The following TEX15 variants were observed in gnomAD, a reference collection of about 807,000 sequenced individuals.
The protein encoded by TEX15 is testis expressed 15, meiosis and synapsis associated, also known as testis-expressed protein 15.
TEX15 carries 171 observed loss-of-function variants against 237.3 expected under a neutral mutation model. The observed-to-expected ratio is 0.72, with a 90% confidence interval of 0.64 to 0.82. TEX15 has a LOEUF of 0.82. TEX15 is among the 40% of genes least tolerant of loss of function. The probability of loss-of-function intolerance (pLI) is 0.00; values close to 1 mark genes in which losing one functional copy is unlikely to be tolerated. For synonymous variants in TEX15, 1,338 were observed against 1,269.8 expected (o/e 1.05, Z -1.14); for missense variants, 3,750 against 3,646.5 (o/e 1.03, Z -0.73).
At chr8:30,912,428 G>T (rs1032631389) in intron 1 of TEX15, among the ~76,000 whole-genome samples, 1 of 151,960 alleles carries the variant, frequency 6.6e-6, no homozygotes, top group African/African-American at 2.4e-5. Flanking sequence ...GCCTTCTGCT[G>T]ACTACAAACT....
At chr8:30,836,205 G>GTTTTTTTTTTTTT (rs33984716) in intron 10 of TEX15, among the ~76,000 whole-genome samples, 3 of 43,264 alleles carry the variant, frequency 6.9e-5, no homozygotes, top group African/African-American at 1.9e-4. Flanking sequence ...TCACTGTATC[G>GTTTTTTTTTTTTT]TTTTTTTTTT....
chr8:30,849,452 C>A, intron 7 of TEX15, 136 bp from the exon 8 acceptor site: 1 of 499,720 alleles, frequency 2.0e-6, no homozygotes, highest in Non-Finnish European at 3.4e-6. Context: ...GTGTTTTCAA[C>A]GGAAAAAGCA....
Position 30,842,654 on chromosome 8 carries a change from C to T in TEX15, c.7513G>A (p.Val2505Ile), listed in dbSNP as rs114395171. The part of the protein sequence containing the change: ...FSFLKDNSTD[V>I]CLWKVIETAV... ...GTCTCTATCACTTTCCAAAGGCAAA[C>T]ATCTGTTGAGTTATCTTTAAGAAAT... Residue 2505 changes from valine (V) to isoleucine (I), a missense_variant, in exon 8 of 11, where the codon GTT (valine) becomes ATT (isoleucine). Physicochemically the swap from Val to Ile is conservative, Grantham distance 29 (BLOSUM62 3). Transcript: ENST00000643185. 371 of 1,612,350 alleles carry T rather than the reference C, an allele frequency of 2.3e-4. No homozygotes were observed. The African/African-American group carries it at 4.6e-3, about 20-fold the overall frequency.
chr8:30,874,886 T>C lies in TEX15; in HGVS notation c.302+51A>G, dbSNP rs1037022562. 20 of 1,113,604 alleles carry C rather than the reference T, an allele frequency of 1.8e-5. No homozygotes were observed. The East Asian group carries it at 1.9e-4, about 11-fold the overall frequency. The allele number at this position is 1,113,604 out of a possible 1,614,324, so 69.0% of individuals were successfully genotyped here. A position where few individuals can be genotyped will look rare whatever the true frequency, so the allele number is the denominator to read the frequency against. On this transcript the variant is annotated intron_variant, in intron 4 of 10. Transcript: ENST00000643185. The stretch of plus-strand genomic sequence containing the variant: ...AGAAATGAATTAGCATAAAACTCCA[T>C]AGTAACAAACACAACAAAATCTCAA...
intron 10 of TEX15, among the ~76,000 whole-genome samples, chr8:30,835,658 G>A (rs2128765809): frequency 6.6e-6 from 1 of 152,254 alleles, no homozygotes; most frequent in Non-Finnish European, 1.5e-5. Context: ...TCCAATGGTA[G>A]AATATTTGGT....
At chr8:30,886,185 C>G (rs559333098) in intron 3 of TEX15, among the ~76,000 whole-genome samples, 2 of 152,280 alleles carry the variant, frequency 1.3e-5, no homozygotes, top group East Asian at 3.9e-4. Context: ...TATATTTAAT[C>G]TTTCACTTCA....
At chr8:30,838,773 C>CATATATATAT (rs34610592) in intron 9 of TEX15, among the ~76,000 whole-genome samples, 2 of 65,460 alleles carry the variant, frequency 3.1e-5, no homozygotes, top group Non-Finnish European at 6.4e-5. Flanking sequence ...TATATAAAAA[C>CATATATATAT]ATATATATAT....
At chr8:30,851,617 GC>G (rs1807786037) in intron 7 of TEX15, among the ~76,000 whole-genome samples, 1 of 151,860 alleles carries the variant, frequency 6.6e-6, no homozygotes, top group African/African-American at 2.4e-5. Context: ...GGGCAACAGA[GC>G]AAGACTCTGT....
At chr8:30,875,974 AG>A (rs1192035931) in intron 3 of TEX15, among the ~76,000 whole-genome samples, 1 of 151,718 alleles carries the variant, frequency 6.6e-6, no homozygotes, top group African/African-American at 2.4e-5. Flanking sequence ...CAACATGCCC[AG>A]CTAGCTTTTC....
intron 5 of TEX15, among the ~76,000 whole-genome samples, chr8:30,864,003 GAT>G (rs1808105159): frequency 6.6e-6 from 1 of 151,924 alleles, no homozygotes; most frequent in Non-Finnish European, 1.5e-5. Flanking sequence ...CCTGATGGCT[GAT>G]CTACTAGACA....
At chr8:30,905,659 C>A (rs571256592) in intron 1 of TEX15, among the ~76,000 whole-genome samples, 4 of 148,138 alleles carry the variant, frequency 2.7e-5, no homozygotes, top group Admixed American at 1.4e-4. Flanking sequence ...GAGGCTGAGG[C>A]CGGTGGATCA....
chr8:30,851,085 T>G (rs1317946946), intron 7 of TEX15, among the ~76,000 whole-genome samples: 1 of 152,168 alleles, frequency 6.6e-6, no homozygotes, highest in African/African-American at 2.4e-5. Flanking sequence ...ATATGTTATA[T>G]GTAATCATTC....
chr8:30,912,252 C>T (rs1809237206), intron 1 of TEX15, among the ~76,000 whole-genome samples: 1 of 152,046 alleles, frequency 6.6e-6, no homozygotes, highest in East Asian at 2.0e-4. Flanking sequence ...CTGCCAGTCA[C>T]CCGGGCGGCG....
intron 3 of TEX15, among the ~76,000 whole-genome samples, chr8:30,882,418 C>A (rs1299289256): frequency 1.3e-5 from 2 of 152,222 alleles, no homozygotes; most frequent in Admixed American, 1.3e-4. Context: ...TCCCAAGTAG[C>A]TGGGACTACA....
At chr8:30,861,417 T>G (rs1808048830) in intron 5 of TEX15, among the ~76,000 whole-genome samples, 1 of 152,144 alleles carries the variant, frequency 6.6e-6, no homozygotes, top group African/African-American at 2.4e-5. Context: ...TGAACATAAA[T>G]GACGGTATTT....
At chr8:30,853,251 A>G (rs1179792487) in intron 7 of TEX15, among the ~76,000 whole-genome samples, 3 of 152,170 alleles carry the variant, frequency 2.0e-5, no homozygotes, top group Admixed American at 6.5e-5. Flanking sequence ...ATCGTCAAGG[A>G]AAGAGAACAC....
intron 10 of TEX15, 125 bp from the exon 11 acceptor site, chr8:30,833,448 G>T (rs1585275024): frequency 1.6e-6 from 1 of 634,532 alleles, no homozygotes. Flanking sequence ...TTGCCCTTAA[G>T]TAGCCATAGG....
intron 3 of TEX15, among the ~76,000 whole-genome samples, chr8:30,878,093 T>C (rs1333826154): frequency 1.5e-5 from 2 of 135,730 alleles, no homozygotes; most frequent in African/African-American, 6.8e-5. Flanking sequence ...CCTGTAAAGA[T>C]TGCTTTTTTT....
intron 10 of TEX15, among the ~76,000 whole-genome samples, chr8:30,835,840 C>A (rs561767538): frequency 6.6e-6 from 1 of 152,288 alleles, no homozygotes; most frequent in East Asian, 1.9e-4. Context: ...CTATCAAGTT[C>A]TTCTACCAAT....
Sources: allele counts gnomAD v4.1 joint callset (sites outside exome capture counted in the v4.1 genomes callset), GRCh38; gene constraint gnomAD v4.1.1; transcripts MANE v1.5; gene names NCBI Gene and HGNC (gene_info 2026-07-23, HGNC 2026-07-21).